PXDC1: variants seen among roughly 807,000 people sequenced by gnomAD.
The protein encoded by PXDC1 is PX domain-containing protein 1.
In PXDC1, 13 loss-of-function variants were observed where a neutral mutation model predicts 24.4. The observed-to-expected ratio is 0.53, with a 90% CI of 0.35 to 0.85. The LOEUF (loss-of-function observed/expected upper bound fraction) is 0.85. Among genes scored for constraint, PXDC1 ranks in the 40% least tolerant of loss-of-function variants. The pLI is 0.01. For synonymous variants in PXDC1, 162 were observed against 124.9 expected, an observed-to-expected ratio of 1.30 and a Z score of -1.98; for missense variants, 344 against 309.3, an observed-to-expected ratio of 1.11 and a Z score of -0.84.
chr6:3,737,722 C>G lies in PXDC1; in HGVS notation c.348+335G>C, dbSNP rs898752247. On this transcript the variant is annotated intron_variant, in intron 2 of 4. Transcript: ENST00000380283. The surrounding 1 kb of genome is among the most constrained non-coding windows in gnomAD (Gnocchi z 5.5). ...CTGTTCTAAAATCCCCTCAGCAAGA[C>G]GGTGGATTCTGAGCAGAGGCAGAAA... is the stretch of plus-strand genomic sequence containing the variant. 1.8e-5 allele frequency: 18 copies of G among 984,446 alleles called. No homozygotes were observed. The African/African-American group carries it at 3.1e-4, about 17-fold the overall frequency. 61.0% of individuals were successfully genotyped at this position (984,446 alleles called of 1,614,324 possible).
At chr6:3,739,437 C>CTA (rs1300645246) in intron 1 of PXDC1, among the ~76,000 whole-genome samples, 2 of 152,264 alleles carry the variant, frequency 1.3e-5, no homozygotes, top group Non-Finnish European at 2.9e-5. Context: ...AGCAGTGGGG[C>CTA]TATCTGATCC....
intron 1 of PXDC1, among the ~76,000 whole-genome samples, chr6:3,744,377 A>G (rs1760517696): frequency 6.6e-6 from 1 of 152,232 alleles, no homozygotes; most frequent in African/African-American, 2.4e-5. Context: ...GAGGGCCAAC[A>G]GGAGGCAAAC....
At chr6:3,731,865 G>A (rs933910187) in intron 3 of PXDC1, among the ~76,000 whole-genome samples, 3 of 152,198 alleles carry the variant, frequency 2.0e-5, no homozygotes, top group African/African-American at 7.2e-5. Context: ...ACACAGTGAC[G>A]CTGCATGAGA....
intron 3 of PXDC1, among the ~76,000 whole-genome samples, chr6:3,730,745 G>A (rs1259847367): frequency 2.0e-5 from 3 of 152,234 alleles, no homozygotes; most frequent in Non-Finnish European, 2.9e-5. Context: ...CATTGCTACG[G>A]GACCAGGGAG....
intron 1 of PXDC1, among the ~76,000 whole-genome samples, chr6:3,745,337 G>A (rs929294409): frequency 1.1e-4 from 16 of 152,250 alleles, no homozygotes. Flanking sequence ...CCAGGGCAAA[G>A]AGCAAATGGT....
Position 3,724,800 on chromosome 6 carries a change from C to A in PXDC1, c.579-1064G>T, listed in dbSNP as rs949283925. Reference sequence around the variant, plus strand: ...TGGCCGGACACACAACAAGGCAGGGCGAGCATATGTCCCCCACAAACCTAG... The same window carrying A: ...TGGCCGGACACACAACAAGGCAGGGAGAGCATATGTCCCCCACAAACCTAG... On this transcript the variant is annotated intron_variant, in intron 4 of 4. Coordinates refer to ENST00000380283, the MANE Select transcript of PXDC1 (RefSeq NM_183373.4). The surrounding 1 kb of genome is among the most constrained non-coding windows in gnomAD (Gnocchi z 4.5). Among the ~76,000 whole-genome samples the A allele has an allele frequency of 1.3e-5, 2 of 152,226 alleles. No homozygotes were observed. Among genetic ancestry groups the A allele is most frequent in the African/African-American group, 4.8e-5 (2 of 41,450 alleles).
At chr6:3,750,716 C>T (rs1760687893) in intron 1 of PXDC1, among the ~76,000 whole-genome samples, 1 of 152,164 alleles carries the variant, frequency 6.6e-6, no homozygotes, top group Non-Finnish European at 1.5e-5. Context: ...CTGTCCGCGG[C>T]AGCCGCGGGC....
chr6:3,730,079 G>A (rs573321032), intron 3 of PXDC1, among the ~76,000 whole-genome samples: 1 of 152,194 alleles, frequency 6.6e-6, no homozygotes, highest in Admixed American at 6.5e-5. Context: ...GGCTGGCTGG[G>A]CCCTGAAGGA....
At chr6:3,730,244 C>T (rs575888342) in intron 3 of PXDC1, among the ~76,000 whole-genome samples, 64 of 152,290 alleles carry the variant, frequency 4.2e-4, no homozygotes, top group Middle Eastern at 3.4e-3. Flanking sequence ...GCCCCAGAAC[C>T]TCGAAAAACC....
chr6:3,743,205 A>C (rs1760487344), intron 1 of PXDC1, among the ~76,000 whole-genome samples: 1 of 114,526 alleles, frequency 8.7e-6, no homozygotes, highest in Non-Finnish European at 1.7e-5. Context: ...CTGAAACTAA[A>C]GGCAGGATGC....
At chr6:3,732,598 A>T (rs1760223822) in intron 3 of PXDC1, among the ~76,000 whole-genome samples, 1 of 152,238 alleles carries the variant, frequency 6.6e-6, no homozygotes, top group Non-Finnish European at 1.5e-5. Flanking sequence ...TTTGATAAGC[A>T]TTGGGACAAA....
In PXDC1 at chr6:3,725,280, G is replaced by A. The variant is rs184872139; in HGVS notation, c.579-1544C>T. Among the ~76,000 whole-genome samples the A allele has an allele frequency of 2.6e-5, 4 of 152,286 alleles. No individual in the cohort carries two copies. The East Asian group carries it at 7.7e-4, about 29-fold the overall frequency. The stretch of plus-strand genomic sequence containing the variant: ...ATGACCCTGAGGACATGAGGAGGGA[G>A]GGGGACCGGGATGCTCAGGGAAAAT... On this transcript the variant is annotated intron_variant, in intron 4 of 4. Transcript: ENST00000380283. The surrounding 1 kb of genome is among the most constrained non-coding windows in gnomAD (Gnocchi z 4.8).
intron 1 of PXDC1, among the ~76,000 whole-genome samples, chr6:3,745,210 A>T (rs1760538856): frequency 6.6e-6 from 1 of 152,186 alleles, no homozygotes; most frequent in African/African-American, 2.4e-5. Flanking sequence ...GGGGGGCCAC[A>T]CCCAGAAGAG....
chr6:3,743,746 AGTATAACT>A (rs906060775), intron 1 of PXDC1, among the ~76,000 whole-genome samples: 2 of 152,230 alleles, frequency 1.3e-5, no homozygotes, highest in Non-Finnish European at 2.9e-5. Context: ...AGTGTCACGC[AGTATAACT>A]GTACAAGGAG....
At position 3,737,581 on chromosome 6, in the gene PXDC1, C is replaced by T. The variant is rs1760348952; in HGVS notation, c.349-385G>A. The T allele has an allele frequency of 1.2e-6, 1 of 860,336 alleles. No individual in the cohort carries two copies. Among genetic ancestry groups the T allele is most frequent in the Admixed American group, 6.2e-5 (1 of 16,122 alleles). 53.3% of individuals were successfully genotyped at this position (860,336 alleles called of 1,614,324 possible). On this transcript the variant is annotated intron_variant, in intron 2 of 4. Transcript: ENST00000380283. This position sits in a 1 kb window ranked among gnomAD's most constrained non-coding sequence, Gnocchi z 5.5. ...TCTGCCTGGCGCTCAAGTCCAGGTT[C>T]TTAACCACCACTCACGACGAAGCCC...
chr6:3,726,647 AG>A (rs1050952609), intron 4 of PXDC1, among the ~76,000 whole-genome samples: 2 of 152,204 alleles, frequency 1.3e-5, no homozygotes, highest in Non-Finnish European at 2.9e-5. Flanking sequence ...TGCCGCCCAC[AG>A]GCCCGGATGT....
At chr6:3,745,121 C>T (rs1308907244) in intron 1 of PXDC1, among the ~76,000 whole-genome samples, 2 of 152,232 alleles carry the variant, frequency 1.3e-5, no homozygotes, top group Admixed American at 1.3e-4. Context: ...CGTAGGGATC[C>T]CACTGAAGTT....
rs771510119 is a variant in PXDC1 at position 3,727,653 on chromosome 6, C to T, written c.476G>A (p.Arg159Lys). The T allele has an allele frequency of 6.2e-7, 1 of 1,611,596 alleles. No individual in the cohort carries two copies. The highest frequency in any genetic ancestry group is 1.3e-5 in the African/African-American group (1 of 74,992). The change falls in exon 4 of 5, where the codon AGG (arginine) becomes AAG (lysine). Residue 159 changes from arginine (R) to lysine (K), a missense_variant. Arg to Lys is a conservative substitution (Grantham distance 26). Transcript: ENST00000380283. ...ATTTGCTAAACAAAATCCATTGGACCTCATGATTTCTGAAAACCAAAGCAA... is the reference window on the plus strand; with the variant it reads ...ATTTGCTAAACAAAATCCATTGGACTTCATGATTTCTGAAAACCAAAGCAA... ...QSPVKISEIMRSNGFCLANTE... is the reference protein window; with the variant it reads ...QSPVKISEIMKSNGFCLANTE...
At chr6:3,732,259 C>A (rs756705304) in intron 3 of PXDC1, among the ~76,000 whole-genome samples, 7 of 152,210 alleles carry the variant, frequency 4.6e-5, no homozygotes, top group Non-Finnish European at 1.0e-4. Context: ...AGCATTCATA[C>A]TCTAGCCTTC....
Sources: allele counts gnomAD v4.1 joint callset (sites outside exome capture counted in the v4.1 genomes callset), GRCh38; gene constraint gnomAD v4.1.1; non-coding constraint Gnocchi (gnomAD v3.1); transcripts MANE v1.5; gene names NCBI Gene and HGNC (gene_info 2026-07-23, HGNC 2026-07-21).